The following USP18 variants were observed in gnomAD, a reference collection of about 807,000 sequenced individuals.
The protein encoded by USP18 is ubl carboxyl-terminal hydrolase 18.
A neutral mutation model predicts 48.7 loss-of-function variants in USP18; 11 were observed. The observed-to-expected ratio is 0.23, with a 90% CI of 0.14 to 0.37. The LOEUF (loss-of-function observed/expected upper bound fraction) is 0.37. USP18 is among the 10% of genes least tolerant of loss of function. The pLI is 1.00. For synonymous variants in USP18, 114 were observed against 163.2 expected, an observed-to-expected ratio of 0.70 and a Z score of 2.30; for missense variants, 285 against 436.4, an observed-to-expected ratio of 0.65 and a Z score of 3.09.
intron 6 of USP18, among the ~76,000 whole-genome samples, chr22:18,169,604 G>A (rs1230908826): frequency 6.6e-6 from 1 of 152,118 alleles, no homozygotes; most frequent in Non-Finnish European, 1.5e-5. Context: ...GCTCCTCCCA[G>A]GTAAGACACC....
At chr22:18,157,204 C>G (rs966086012) in intron 1 of USP18, among the ~76,000 whole-genome samples, 1 of 152,248 alleles carries the variant, frequency 6.6e-6, no homozygotes, top group Non-Finnish European at 1.5e-5. Context: ...AGAGGCTTCC[C>G]CTGTATGCCA....
At position 18,156,832 on chromosome 22, in the gene USP18, T is replaced by A. The variant is rs185794530; in HGVS notation, c.-106-726T>A. Among the ~76,000 whole-genome samples, 11 of 152,354 alleles carry A rather than the reference T, an allele frequency of 7.2e-5. No individual in the cohort carries two copies. In the East Asian group the frequency reaches 1.9e-3, roughly 27 times the overall value. On this transcript the variant is annotated intron_variant, in intron 1 of 10. Transcript: ENST00000215794. Reference sequence around the variant, plus strand: ...ACTGCGAGGGTCCACGGCTTCATTCTTGAAGTCAGTGAGACCAAGCACCCA... The same window carrying A: ...ACTGCGAGGGTCCACGGCTTCATTCATGAAGTCAGTGAGACCAAGCACCCA...
At chr22:18,157,989 C>A (rs935782539) in intron 2 of USP18, among the ~76,000 whole-genome samples, 169 bp downstream of exon 2, 2 of 152,100 alleles carry the variant, frequency 1.3e-5, no homozygotes, top group Non-Finnish European at 2.9e-5. Flanking sequence ...GAAACCCTAT[C>A]TGTAAAAAAC....
intron 4 of USP18, among the ~76,000 whole-genome samples, chr22:18,162,842 G>A (rs1173759555): frequency 2.0e-5 from 3 of 151,972 alleles, no homozygotes; most frequent in Non-Finnish European, 4.4e-5. Flanking sequence ...TCTGCAACTC[G>A]TGACTGTTAT....
chr22:18,167,978 G>T lies in USP18; in HGVS notation c.569G>T (p.Ser190Ile), dbSNP rs796340735. ...DCAMESSRNS[S>I]MLTLPLSLFD... ...GCCATGGAGAGTAGCAGAAACAGCA[G>T]CATGCTCACCCTCCCACTTTCTCTT... The change falls in exon 6 of 11, where the codon AGC becomes ATC. Residue 190 changes from serine to isoleucine, a missense_variant. By Grantham distance (142) the Ser-to-Ile change is moderately radical (BLOSUM62 -2). Transcript: ENST00000215794. 6.2e-7 allele frequency: 1 copy of T among 1,614,140 alleles called. No individual in the cohort carries two copies. Among genetic ancestry groups the T allele is most frequent in the East Asian group, 2.2e-5 (1 of 44,884 alleles).
chr22:18,152,396 G>T (rs999913907), intron 1 of USP18, among the ~76,000 whole-genome samples: 1 of 150,218 alleles, frequency 6.7e-6, no homozygotes, highest in Non-Finnish European at 1.5e-5. Context: ...AGTTCCTTCC[G>T]TTGCTCACCT....
chr22:18,161,772 G>A lies in USP18; in HGVS notation c.255-18G>A. On this transcript the variant is annotated intron_variant, in intron 3 of 10. Transcript: ENST00000215794. ...AGAACTACATGTAAGGAGGTTTCTG[G>A]CTGTTCTTGTGTGGCAGGATCACGG... 3 of 1,574,516 alleles carry A rather than the reference G, an allele frequency of 1.9e-6. No homozygotes were observed. Among genetic ancestry groups the A allele is most frequent in the Non-Finnish European group, 2.6e-6 (3 of 1,160,712 alleles).
chr22:18,160,515 G>A (rs1418795196), intron 3 of USP18, among the ~76,000 whole-genome samples: 2 of 151,880 alleles, frequency 1.3e-5, no homozygotes, highest in Non-Finnish European at 2.9e-5. Context: ...TGTTAGCCAG[G>A]AAGGTCTCGA....
At chr22:18,155,834 G>A (rs573144707) in intron 1 of USP18, among the ~76,000 whole-genome samples, 3 of 152,346 alleles carry the variant, frequency 2.0e-5, no homozygotes, top group South Asian at 2.1e-4. Flanking sequence ...GCTCCACGCC[G>A]CCGAGTCCCA....
At chr22:18,176,299 C>A (rs1457116965) in intron 10 of USP18, among the ~76,000 whole-genome samples, 1 of 52,272 alleles carries the variant, frequency 1.9e-5, no homozygotes, top group Admixed American at 1.7e-4. Context: ...AAAAAAAAAA[C>A]CAGCAAAAAC....
intron 4 of USP18, among the ~76,000 whole-genome samples, chr22:18,162,285 AG>A (rs892145484): frequency 4.0e-5 from 6 of 148,790 alleles, no homozygotes; most frequent in Non-Finnish European, 7.4e-5. Context: ...CAAATAGGTT[AG>A]GTTTTTTTTT....
Position 18,173,777 on chromosome 22 carries a change from T to G in USP18, c.1024-16T>G. The G allele has an allele frequency of 6.2e-7, 1 of 1,606,956 alleles. No homozygotes were observed. Among genetic ancestry groups the G allele is most frequent in the African/African-American group, 1.3e-5 (1 of 74,884 alleles). On this transcript the variant is annotated splice_polypyrimidine_tract_variant and intron_variant, in intron 9 of 10. Coordinates refer to ENST00000215794, the MANE Select transcript of USP18 (RefSeq NM_017414.4). ...TGTCAGCTGGCTGCTTGACCCCATTTGTTTCTGGCTTCCAGGTGTCCTGGG... is the reference window on the plus strand; with the variant it reads ...TGTCAGCTGGCTGCTTGACCCCATTGGTTTCTGGCTTCCAGGTGTCCTGGG...
At chr22:18,154,607 C>T (rs1274489608) in intron 1 of USP18, among the ~76,000 whole-genome samples, 2 of 113,344 alleles carry the variant, frequency 1.8e-5, no homozygotes, top group Admixed American at 1.0e-4. Flanking sequence ...CCACTATGAC[C>T]ATCTAAATTT....
chr22:18,160,101 A>T lies in USP18; in HGVS notation c.158-71A>T, dbSNP rs1272304090. On this transcript the variant is annotated intron_variant, in intron 2 of 10. Transcript: ENST00000215794. ...AGTACTGGAATTACAGGCATGAGCC[A>T]CCATGCCCAGCCTTGTCAACTTCTT... The T allele has an allele frequency of 4.1e-6, 6 of 1,454,532 alleles. No individual in the cohort carries two copies. The African/African-American group carries it at 5.6e-5, about 14-fold the overall frequency. 90.1% of individuals were successfully genotyped at this position (1,454,532 alleles called of 1,614,324 possible).
intron 4 of USP18, among the ~76,000 whole-genome samples, chr22:18,165,511 C>T (rs1205120460): frequency 3.2e-5 from 3 of 92,392 alleles, no homozygotes; most frequent in African/African-American, 1.3e-4. Context: ...CCCCTCACCG[C>T]GGCCGTGTTT....
In USP18 at chr22:18,155,846, C is replaced by T. The variant is rs373659223; in HGVS notation, c.-106-1712C>T. Among the ~76,000 whole-genome samples the T allele has an allele frequency of 3.7e-3, 567 of 152,358 alleles. 3 individuals carry two copies. The highest frequency in any genetic ancestry group is 0.013 in the African/African-American group (521 of 41,590). ...CCGGCTCCACGCCGCCGAGTCCCAC[C>T]GACCACCCAAGGGCTGAGGAGTGCG... On this transcript the variant is annotated intron_variant, in intron 1 of 10. Transcript: ENST00000215794.
chr22:18,173,037 G>C, intron 8 of USP18, 113 bp from the exon 9 acceptor site: 1 of 1,561,814 alleles, frequency 6.4e-7, no homozygotes. Context: ...GGTCGGGACT[G>C]TTTTCTAATA....
Position 18,167,354 on chromosome 22 carries a change from G to C in USP18, c.480+20G>C. The C allele has an allele frequency of 6.2e-7, 1 of 1,613,010 alleles. No individual in the cohort carries two copies. The highest frequency in any genetic ancestry group is 2.2e-5 in the East Asian group (1 of 44,856). On this transcript the variant is annotated intron_variant, in intron 5 of 10. Coordinates refer to ENST00000215794, the MANE Select transcript of USP18 (RefSeq NM_017414.4). ...CACTTGGTAAGAACCTAGAACCAGAGCACTCGGAAGCTTAAGATGCTGCTC... is the reference window on the plus strand; with the variant it reads ...CACTTGGTAAGAACCTAGAACCAGACCACTCGGAAGCTTAAGATGCTGCTC...
chr22:18,151,695 A>G (rs1346534386), intron 1 of USP18, among the ~76,000 whole-genome samples: 2 of 151,510 alleles, frequency 1.3e-5, no homozygotes, highest in Non-Finnish European at 2.9e-5. Context: ...AAATTTCCCT[A>G]TTATGTGGTT....
Sources: allele counts gnomAD v4.1 joint callset (sites outside exome capture counted in the v4.1 genomes callset), GRCh38; gene constraint gnomAD v4.1.1; transcripts MANE v1.5; gene names NCBI Gene and HGNC (gene_info 2026-07-23, HGNC 2026-07-21).